KIAA0513: variants seen among roughly 807,000 people sequenced by gnomAD.
The protein encoded by KIAA0513 is KIAA0513.
In KIAA0513, 39 loss-of-function variants were observed where a neutral mutation model predicts 56.5. The observed-to-expected ratio is 0.69, with a 90% CI of 0.53 to 0.90. The LOEUF (loss-of-function observed/expected upper bound fraction) is 0.90, where lower values mean the gene tolerates loss of function less well. KIAA0513 is among the 40% of genes least tolerant of loss of function. The pLI is 0.00. For missense variants in KIAA0513, 591 were observed against 535.2 expected (o/e 1.10, Z -1.03); for synonymous variants, 268 against 215.6 (o/e 1.24, Z -2.13).
At chr16:85,066,303 G>C (rs2073480340) in intron 1 of KIAA0513, among the ~76,000 whole-genome samples, 1 of 152,212 alleles carries the variant, frequency 6.6e-6, no homozygotes, top group African/African-American at 2.4e-5. Flanking sequence ...GAGCCGAGGG[G>C]TGTGTCGTTG....
chr16:85,066,528 G>T (rs1305832013), intron 1 of KIAA0513, among the ~76,000 whole-genome samples: 1 of 152,194 alleles, frequency 6.6e-6, no homozygotes, highest in Non-Finnish European at 1.5e-5. Context: ...CGTAGCCACT[G>T]ATTCCAGTGA....
chr16:85,070,892 G>A (rs2073563549), intron 2 of KIAA0513, among the ~76,000 whole-genome samples: 1 of 152,164 alleles, frequency 6.6e-6, no homozygotes, highest in African/African-American at 2.4e-5. Flanking sequence ...CAGCAATACG[G>A]AATGTGGACA....
At chr16:85,045,570 G>A (rs1454164543) in intron 1 of KIAA0513, among the ~76,000 whole-genome samples, 4 of 152,164 alleles carry the variant, frequency 2.6e-5, no homozygotes, top group Non-Finnish European at 5.9e-5. Context: ...TGGCCAGACT[G>A]GTCTCGAACT....
rs2073742607 is a variant in KIAA0513 at position 85,081,404 on chromosome 16, G to C, written c.980+12G>C. 1.3e-6 allele frequency: 2 copies of C among 1,556,000 alleles called. No individual in the cohort carries two copies. The highest frequency in any genetic ancestry group is 2.4e-5 in the South Asian group (2 of 84,614). On this transcript the variant is annotated intron_variant, in intron 9 of 12. Coordinates refer to ENST00000683363, the MANE Select transcript of KIAA0513 (RefSeq NM_001388359.1). The surrounding 1 kb of genome is among the most constrained non-coding windows in gnomAD (Gnocchi z 4.4). The stretch of plus-strand genomic sequence containing the variant: ...TCTCCCACTACCAGGTAGGAGCAAA[G>C]TGTGGCCCCATTTGGCCTCAGGAAA...
rs2073846808 is a variant in KIAA0513 at position 85,089,533 on chromosome 16, G to C, written c.*1208G>C. 1 of 152,506 alleles carries C rather than the reference G, an allele frequency of 6.6e-6. No individual in the cohort carries two copies. The highest frequency in any genetic ancestry group is 2.1e-4 in the South Asian group (1 of 4,840). 9.4% of individuals were successfully genotyped at this position (152,506 alleles called of 1,614,324 possible). Reference sequence around the variant, plus strand: ...CCCCAACACCTGCATGCTGGGTCCAGAGCCTTCTGTTTCACCGTGCGTGGA... The same window carrying C: ...CCCCAACACCTGCATGCTGGGTCCACAGCCTTCTGTTTCACCGTGCGTGGA... On this transcript the variant is annotated 3_prime_UTR_variant, in exon 13 of 13. Coordinates refer to ENST00000683363, the MANE Select transcript of KIAA0513 (RefSeq NM_001388359.1). This position sits in a 1 kb window ranked among gnomAD's most constrained non-coding sequence, Gnocchi z 4.2.
rs1049106595 is a variant in KIAA0513, at chr16:85,082,557, G to T, written c.981-7G>T. ...CCTTTGTTTACCTGTTTCTGCTGCC[G>T]CTCCAGAGGGGATGCTGGAGAGGAG... is the stretch of plus-strand genomic sequence containing the variant. On this transcript the variant is annotated splice_polypyrimidine_tract_variant and splice_region_variant and intron_variant, in intron 9 of 12. Coordinates refer to ENST00000683363, the MANE Select transcript of KIAA0513 (RefSeq NM_001388359.1). 6.2e-7 allele frequency: 1 copy of T among 1,613,826 alleles called. No individual in the cohort carries two copies. Among genetic ancestry groups the T allele is most frequent in the Non-Finnish European group, 8.5e-7 (1 of 1,179,808 alleles).
intron 1 of KIAA0513, among the ~76,000 whole-genome samples, chr16:85,054,231 A>G (rs879771534): frequency 1.3e-5 from 2 of 152,056 alleles, no homozygotes; most frequent in African/African-American, 2.4e-5. Context: ...TTCTATCCTT[A>G]TTGAAAGAAT....
intron 8 of KIAA0513, chr16:85,079,810 C>CT (rs2073715849): frequency 6.6e-6 from 1 of 152,202 alleles, no homozygotes; most frequent in Non-Finnish European, 1.5e-5. Context: ...TAATTAAGCT[C>CT]TTACATATAT....
intron 1 of KIAA0513, among the ~76,000 whole-genome samples, chr16:85,052,685 A>C (rs2073271242): frequency 6.6e-6 from 1 of 152,172 alleles, no homozygotes; most frequent in Non-Finnish European, 1.5e-5. Context: ...AGAGTGTTCC[A>C]GGAGCAGCCT....
intron 1 of KIAA0513, among the ~76,000 whole-genome samples, chr16:85,028,753 C>G (rs1217002122): frequency 1.3e-5 from 2 of 152,040 alleles, no homozygotes; most frequent in Non-Finnish European, 2.9e-5. Flanking sequence ...TAGGTAGGGG[C>G]CAGGCATGAG....
chr16:85,078,307 C>A, intron 6 of KIAA0513, 108 bp from the exon 7 acceptor site: 1 of 1,143,582 alleles, frequency 8.7e-7, no homozygotes, highest in Non-Finnish European at 1.3e-6. Flanking sequence ...TCAGAGCAAG[C>A]CGTATTAAAT....
chr16:85,062,687 T>C (rs1467172641), intron 1 of KIAA0513, among the ~76,000 whole-genome samples: 1 of 152,158 alleles, frequency 6.6e-6, no homozygotes, highest in Non-Finnish European at 1.5e-5. Context: ...AATCAGAAGA[T>C]TTCATGTAAC....
At chr16:85,056,751 A>G (rs9939389) in intron 1 of KIAA0513, among the ~76,000 whole-genome samples, 72,413 of 152,036 alleles carry the variant, frequency 0.48, 19,176 homozygotes, top group African/African-American at 0.72. Context: ...CCAGGTTGGA[A>G]TGCAGTGGTG....
intron 1 of KIAA0513, among the ~76,000 whole-genome samples, chr16:85,060,821 G>A (rs2143975199): frequency 6.7e-6 from 1 of 150,288 alleles, no homozygotes; most frequent in South Asian, 2.1e-4. Context: ...TTCAGCCTGG[G>A]CAACAGAGCG....
At chr16:85,086,811 T>A (rs2073814913) in intron 11 of KIAA0513, 87 bp downstream of exon 11, 1 of 1,233,342 alleles carries the variant, frequency 8.1e-7, no homozygotes, top group Non-Finnish European at 1.2e-6. Context: ...CCCTGGGGTG[T>A]GATGTCAGCC....
At chr16:85,086,214 C>T (rs558458623) in intron 10 of KIAA0513, among the ~76,000 whole-genome samples, 3 of 152,340 alleles carry the variant, frequency 2.0e-5, no homozygotes, top group Admixed American at 6.5e-5. Flanking sequence ...TTCCCTGGGC[C>T]ACCAAGGCCC....
chr16:85,032,144 T>C (rs12448463), intron 1 of KIAA0513, among the ~76,000 whole-genome samples: 2,284 of 152,316 alleles, frequency 0.015, 130 homozygotes, highest in Admixed American at 0.11. Flanking sequence ...ACTCCCAGCT[T>C]CTACTGGTGG....
chr16:85,073,052 C>G (rs776884651), intron 4 of KIAA0513, 54 bp downstream of exon 4: 1 of 1,420,146 alleles, frequency 7.0e-7, no homozygotes. Context: ...TCTTCCCTCC[C>G]TGCCTCCCTC....
At chr16:85,072,772 A>G (rs1255568523) in intron 3 of KIAA0513, 153 bp from the exon 4 acceptor site, 2 of 211,486 alleles carry the variant, frequency 9.5e-6, no homozygotes, top group Non-Finnish European at 1.6e-5. Flanking sequence ...GTCCTGGCAG[A>G]AGGGGTGGGT....
Sources: gnomAD v4.1 joint callset for allele counts (sites outside exome capture counted in the v4.1 genomes callset) on GRCh38, gnomAD v4.1.1 for gene constraint, Gnocchi (gnomAD v3.1) non-coding constraint, MANE v1.5 for transcripts, NCBI Gene and HGNC (gene_info 2026-07-23, HGNC 2026-07-21) for gene names.